RESF1: variants seen among roughly 807,000 people sequenced by gnomAD.
The protein encoded by RESF1 is gonad expressed transcript.
A neutral mutation model predicts 134.7 loss-of-function variants in RESF1; 65 were observed. That is an observed-to-expected ratio of 0.48 (90% CI 0.40 to 0.59). The LOEUF is 0.59. Among genes scored for constraint, RESF1 ranks in the 20% least tolerant of loss-of-function variants. The probability of loss-of-function intolerance (pLI) is 0.00; values close to 1 mark genes in which losing one functional copy is unlikely to be tolerated. For synonymous variants in RESF1, 762 were observed against 702.2 expected (o/e 1.09, Z -1.35); for missense variants, 2,274 against 2,002.7 (o/e 1.14, Z -2.59).
intron 3 of RESF1, among the ~76,000 whole-genome samples, chr12:31,973,149 T>G (rs1939552599): frequency 6.6e-6 from 1 of 152,168 alleles, no homozygotes; most frequent in Non-Finnish European, 1.5e-5. Flanking sequence ...ATGGTAGTGA[T>G]GGACCATGGA....
At chr12:31,973,475 A>G (rs1303541558) in intron 3 of RESF1, among the ~76,000 whole-genome samples, 1 of 152,064 alleles carries the variant, frequency 6.6e-6, no homozygotes, top group Non-Finnish European at 1.5e-5. Context: ...GTCTGGCTAC[A>G]CTTGGAGTTT....
chr12:31,990,788 G>A (rs1005696850), intron 5 of RESF1, among the ~76,000 whole-genome samples: 10 of 152,172 alleles, frequency 6.6e-5, no homozygotes, highest in Admixed American at 1.3e-4. Context: ...GCTGGTTCTG[G>A]AGAAGGGATC....
In RESF1 at chr12:31,992,586, G is replaced by A. The variant is rs1469897400; in HGVS notation, c.*51G>A. The A allele has an allele frequency of 1.2e-5, 18 of 1,543,566 alleles. 1 individual carries two copies. In the South Asian group the frequency reaches 1.7e-4, roughly 15 times the overall value. ...CACTGGGAAATTTCTTTCCTTTTCT[G>A]TTCAAAATATTTCGCTGAAACTAAT... is the stretch of plus-strand genomic sequence containing the variant. On this transcript the variant is annotated 3_prime_UTR_variant, in exon 6 of 6. Transcript: ENST00000312561.
At chr12:31,965,450 C>T (rs1203024553) in intron 2 of RESF1, among the ~76,000 whole-genome samples, 2 of 152,298 alleles carry the variant, frequency 1.3e-5, no homozygotes. Context: ...TGTAACTTGA[C>T]TGTCTTGAGC....
rs550787184 is a variant in RESF1 at position 31,959,476 on chromosome 12, C to T, written c.-357C>T. 1.3e-5 allele frequency: 2 copies of T among 152,418 alleles called. No individual in the cohort carries two copies. Among genetic ancestry groups the T allele is most frequent in the Admixed American group, 6.5e-5 (1 of 15,314 alleles). 9.4% of individuals were successfully genotyped at this position (152,418 alleles called of 1,614,324 possible). A position where few individuals can be genotyped will look rare whatever the true frequency, so the allele number is the denominator to read the frequency against. ...TTTTCTCCCCGCTTGCCGGGGTGGTCCTCTTCCCTTTGTCGGTAAGTGTGA... is the reference window on the plus strand; with the variant it reads ...TTTTCTCCCCGCTTGCCGGGGTGGTTCTCTTCCCTTTGTCGGTAAGTGTGA... On this transcript the variant is annotated 5_prime_UTR_variant, in exon 1 of 6. Coordinates refer to ENST00000312561, the MANE Select transcript of RESF1 (RefSeq NM_018169.4).
Position 31,982,823 on chromosome 12 carries a change from C to T in RESF1, c.1868C>T (p.Thr623Ile). The T allele has an allele frequency of 6.2e-7, 1 of 1,614,124 alleles. No individual in the cohort carries two copies. The highest frequency in any genetic ancestry group is 2.2e-5 in the East Asian group (1 of 44,886). ...SCEMNPNTQM[T>I]GNQLNLKNME... ...GAAATGAATCCAAATACCCAAATGA[C>T]TGGTAACCAACTGAATTTGAAGAAC... is the stretch of plus-strand genomic sequence containing the variant. Residue 623 changes from threonine to isoleucine, a missense_variant, in exon 4 of 6, where the codon ACT (threonine) becomes ATT (isoleucine). Thr to Ile is a moderately conservative substitution (Grantham distance 89, BLOSUM62 -1). Transcript: ENST00000312561.
chr12:31,981,264 A>G lies in RESF1; in HGVS notation c.309A>G (p.Gln103=), dbSNP rs766387944. 5.0e-6 allele frequency: 8 copies of G among 1,614,042 alleles called. No individual in the cohort carries two copies. Among genetic ancestry groups the G allele is most frequent in the South Asian group, 1.1e-5 (1 of 91,080 alleles). The change falls in exon 4 of 6, where the codon CAA becomes CAG. Residue 103 remains glutamine (Q), a synonymous_variant. Coordinates refer to ENST00000312561, the MANE Select transcript of RESF1 (RefSeq NM_018169.4). The part of the protein sequence containing the change: ...ITYANVNGPK[Q]LTHNLQMSSG... Reference sequence around the variant, plus strand: ...ATGCAAATGTTAATGGACCCAAACAACTAACTCACAATTTGCAGATGTCTT... The same window carrying G: ...ATGCAAATGTTAATGGACCCAAACAGCTAACTCACAATTTGCAGATGTCTT...
In RESF1 at chr12:31,981,815, G is replaced by T; in HGVS notation, c.860G>T (p.Gly287Val). The T allele has an allele frequency of 6.2e-7, 1 of 1,614,014 alleles. No individual in the cohort carries two copies. The highest frequency in any genetic ancestry group is 8.5e-7 in the Non-Finnish European group (1 of 1,180,040). Residue 287 changes from glycine (G) to valine (V), a missense_variant, in exon 4 of 6, where the codon GGA (glycine) becomes GTA (valine). By Grantham distance (109) the Gly-to-Val change is moderately radical. Transcript: ENST00000312561. ...PPPPPYNCRY[G>V]SQPLQSTQHI... is the part of the protein sequence containing the mutation. ...CCTCCTCCTTACAACTGTAGATATGGAAGCCAGCCTTTGCAAAGTACTCAG... is the reference window on the plus strand; with the variant it reads ...CCTCCTCCTTACAACTGTAGATATGTAAGCCAGCCTTTGCAAAGTACTCAG...
At position 31,992,717 on chromosome 12, in the gene RESF1, T is replaced by C; in HGVS notation, c.*182T>C. ...CTTGAGAACTTTGGGTAGCCATGTGTAAGAAATGGATGGTATTCACCGGGG... is the reference window on the plus strand; with the variant it reads ...CTTGAGAACTTTGGGTAGCCATGTGCAAGAAATGGATGGTATTCACCGGGG... On this transcript the variant is annotated 3_prime_UTR_variant, in exon 6 of 6. Transcript: ENST00000312561. The C allele has an allele frequency of 1.6e-6, 1 of 625,202 alleles. No homozygotes were observed. The highest frequency in any genetic ancestry group is 2.8e-6 in the Non-Finnish European group (1 of 353,260). 38.7% of individuals were successfully genotyped at this position (625,202 alleles called of 1,614,324 possible). A position where few individuals can be genotyped will look rare whatever the true frequency, so the allele number is the denominator to read the frequency against.
chr12:31,967,956 A>G (rs1939435296), intron 2 of RESF1, among the ~76,000 whole-genome samples: 1 of 152,204 alleles, frequency 6.6e-6, no homozygotes, highest in South Asian at 2.1e-4. Flanking sequence ...CTGATAGGCT[A>G]ATTTTTTCTG....
rs1939869770 is a variant in RESF1 at position 31,983,638 on chromosome 12, A to G, written c.2683A>G (p.Ile895Val). Residue 895 changes from isoleucine to valine, a missense_variant, in exon 4 of 6, where the codon ATT (isoleucine) becomes GTT (valine). Ile to Val is a conservative substitution (Grantham distance 29). Coordinates refer to ENST00000312561, the MANE Select transcript of RESF1 (RefSeq NM_018169.4). ...TAGTGATACATTACAGATTGACAAT[A>G]TTTGTTCTCTGGTTGAAGGTGATAC... ...VSSDTLQIDN[I>V]CSLVEGDTSY... 6.2e-7 allele frequency: 1 copy of G among 1,614,120 alleles called. No individual in the cohort carries two copies. Among genetic ancestry groups the G allele is most frequent in the African/African-American group, 1.3e-5 (1 of 75,050 alleles).
chr12:31,968,092 ATC>A (rs1939437859), intron 2 of RESF1, among the ~76,000 whole-genome samples: 1 of 152,188 alleles, frequency 6.6e-6, no homozygotes, highest in African/African-American at 2.4e-5. Context: ...TTCTACAGGT[ATC>A]TCTAATTTTT....
rs780270021 is a variant in RESF1 at position 31,984,100 on chromosome 12, TTATACC to T, written c.3148_3153del (p.Tyr1050_Leu1051del). 7 of 1,613,970 alleles carry T rather than the reference TTATACC, an allele frequency of 4.3e-6. No individual in the cohort carries two copies. The South Asian group carries it at 7.7e-5, about 18-fold the overall frequency. Reference sequence around the variant, plus strand: ...AATCCACAGTGATAAGGCACCTGTCTTATACCTACATGACCAGCTGTCAGAACTTCT... The same window carrying T: ...AATCCACAGTGATAAGGCACCTGTCTTACATGACCAGCTGTCAGAACTTCT... On this transcript the variant is annotated inframe_deletion, in exon 4 of 6. Coordinates refer to ENST00000312561, the MANE Select transcript of RESF1 (RefSeq NM_018169.4).
intron 2 of RESF1, among the ~76,000 whole-genome samples, chr12:31,968,273 A>G (rs531247328): frequency 6.6e-6 from 1 of 152,302 alleles, no homozygotes; most frequent in South Asian, 2.1e-4. Context: ...GAATTTATAT[A>G]TTTTAGGTAT....
At chr12:31,973,678 A>G (rs763891047) in intron 3 of RESF1, among the ~76,000 whole-genome samples, 7 of 42,748 alleles carry the variant, frequency 1.6e-4, no homozygotes, top group East Asian at 5.7e-3. Context: ...GGGATGGAGG[A>G]AAAAAAAAAA....
rs150927474 is a variant in RESF1 at position 31,980,974 on chromosome 12, C to A, written c.19C>A (p.Pro7Thr). The A allele has an allele frequency of 1.1e-3, 1,809 of 1,603,912 alleles. 35 individuals carry two copies. The South Asian group carries it at 0.017, about 15-fold the overall frequency. Residue 7 changes from proline to threonine, a missense_variant, in exon 4 of 6, where the codon CCA becomes ACA. By Grantham distance (38) the Pro-to-Thr change is conservative. Transcript: ENST00000312561. Reference protein sequence around the residue: MNWNEKPKSATLPPLYP... With the variant: MNWNEKTKSATLPPLYP... Reference sequence around the variant, plus strand: ...ACCGACAATGAATTGGAATGAAAAACCAAAGAGTGCTACATTACCACCACT... The same window carrying A: ...ACCGACAATGAATTGGAATGAAAAAACAAAGAGTGCTACATTACCACCACT...
Position 31,981,000 on chromosome 12 carries a change from G to A in RESF1, c.45G>A (p.Leu15=). ...CAAAGAGTGCTACATTACCACCACTGTATCCTAAAAGCCAGCCACCTTTTT... is the reference window on the plus strand; with the variant it reads ...CAAAGAGTGCTACATTACCACCACTATATCCTAAAAGCCAGCCACCTTTTT... ...EKPKSATLPP[L]YPKSQPPFLH... The change falls in exon 4 of 6, where the codon CTG becomes CTA. Residue 15 remains leucine, a synonymous_variant. Transcript: ENST00000312561. The A allele has an allele frequency of 1.2e-6, 2 of 1,613,634 alleles. No individual in the cohort carries two copies. The highest frequency in any genetic ancestry group is 8.5e-7 in the Non-Finnish European group (1 of 1,179,822).
chr12:31,985,249 G>A lies in RESF1; in HGVS notation c.4294G>A (p.Asp1432Asn). 1 of 1,609,378 alleles carries A rather than the reference G, an allele frequency of 6.2e-7. No homozygotes were observed. Among genetic ancestry groups the A allele is most frequent in the Non-Finnish European group, 8.5e-7 (1 of 1,178,934 alleles). Residue 1432 changes from aspartate (D) to asparagine (N), a missense_variant, in exon 4 of 6, where the codon GAC becomes AAC. Coordinates refer to ENST00000312561, the MANE Select transcript of RESF1 (RefSeq NM_018169.4). ...EKMVSNTKSVDTKASSSKFSR... is the reference protein window; with the variant it reads ...EKMVSNTKSVNTKASSSKFSR... Reference sequence around the variant, plus strand: ...GATGGTATCAAATACTAAGTCTGTAGACACGAAAGCGAGTTCATCTAAATT... The same window carrying A: ...GATGGTATCAAATACTAAGTCTGTAAACACGAAAGCGAGTTCATCTAAATT...
intron 3 of RESF1, among the ~76,000 whole-genome samples, chr12:31,975,252 G>A (rs568428371): frequency 2.6e-5 from 4 of 152,088 alleles, no homozygotes; most frequent in South Asian, 4.2e-4. Context: ...GCGACAGAGC[G>A]AGACTCCATC....
Sources: gnomAD v4.1 joint callset for allele counts (sites outside exome capture counted in the v4.1 genomes callset) on GRCh38, gnomAD v4.1.1 for gene constraint, MANE v1.5 for transcripts, NCBI Gene and HGNC (gene_info 2026-07-23, HGNC 2026-07-21) for gene names.